DEAF1: variants seen among roughly 807,000 people sequenced by gnomAD.
DEAF1 encodes the protein DEAF1 transcription factor.
In DEAF1, 53 loss-of-function variants were observed where a neutral mutation model predicts 58.9. That is an observed-to-expected ratio of 0.90 (90% CI 0.72 to 1.13). DEAF1 has a LOEUF of 1.13. Among genes scored for constraint, DEAF1 ranks in the 50% most tolerant of loss-of-function variants. The pLI is 0.00. For synonymous variants in DEAF1, 385 were observed against 340.4 expected (o/e 1.13, Z -1.44); for missense variants, 685 against 791.4 (o/e 0.87, Z 1.61).
In DEAF1 at chr11:644,247, T is replaced by C; in HGVS notation, c.*303A>G. 1 of 481,188 alleles carries C rather than the reference T, an allele frequency of 2.1e-6. No individual in the cohort carries two copies. Among genetic ancestry groups the C allele is most frequent in the Non-Finnish European group, 3.8e-6 (1 of 260,254 alleles). The allele number at this position is 481,188 out of a possible 1,614,324, so 29.8% of individuals were successfully genotyped here. ...TGGGGCAGGGAGACCTTATTTACAC[T>C]TTATTGACAGACACAACACGTATGT... On this transcript the variant is annotated 3_prime_UTR_variant, in exon 12 of 12. Transcript: ENST00000382409. This position sits in a 1 kb window ranked among gnomAD's most constrained non-coding sequence, Gnocchi z 4.3.
At position 688,431 on chromosome 11, in the gene DEAF1, G is replaced by A. The variant is rs775897060; in HGVS notation, c.417C>T (p.Asp139=). ...GTGTCGCTTTTTCGGTGTTCAGGCT[G>A]TCCCCGATCTGAAGGGCCGTCCTAC... ...LSGRTALQIG[D]SLNTEKATLI... The change falls in exon 3 of 12, where the codon GAC becomes GAT. Residue 139 remains aspartate, a synonymous_variant. Transcript: ENST00000382409. The surrounding 1 kb of genome is among the most constrained non-coding windows in gnomAD (Gnocchi z 4.3). The A allele has an allele frequency of 6.2e-7, 1 of 1,613,902 alleles. No individual in the cohort carries two copies. Among genetic ancestry groups the A allele is most frequent in the East Asian group, 2.2e-5 (1 of 44,864 alleles).
intron 11 of DEAF1, among the ~76,000 whole-genome samples, chr11:647,645 G>A (rs1858561161): frequency 6.6e-6 from 1 of 152,234 alleles, no homozygotes; most frequent in African/African-American, 2.4e-5. Context: ...CAAAGAGAGA[G>A]GGGGACAAGC....
Position 678,701 on chromosome 11 carries a change from G to A in DEAF1, c.1248C>T (p.Pro416=). 1 of 1,614,086 alleles carries A rather than the reference G, an allele frequency of 6.2e-7. No homozygotes were observed. The highest frequency in any genetic ancestry group is 8.5e-7 in the Non-Finnish European group (1 of 1,179,980). ...GAATTCTTTCAAACCTACCTATTTT[G>A]GGATGTGACGTTGGCAACGCAGCTT... is the stretch of plus-strand genomic sequence containing the variant. The part of the protein sequence containing the change: ...FPEAALPTSH[P]KIVLTSLPAL... The change falls in exon 9 of 12, where the codon CCC becomes CCT. Residue 416 remains proline (P), a synonymous_variant. Coordinates refer to ENST00000382409, the MANE Select transcript of DEAF1 (RefSeq NM_021008.4).
At chr11:699,016 G>A, upstream of DEAF1, 2 of 1,107,520 alleles carry the variant, frequency 1.8e-6, no homozygotes, top group Non-Finnish European at 2.7e-6. Flanking sequence ...AGAGGGGGGT[G>A]TTCCTTGACA....
upstream of DEAF1, chr11:699,127 C>T (rs1303528247): frequency 3.9e-6 from 2 of 508,378 alleles, no homozygotes; most frequent in Non-Finnish European, 7.0e-6. Flanking sequence ...ACACTGCCGG[C>T]TCCCAAGGCG....
At chr11:652,951 G>A (rs1481887135) in intron 11 of DEAF1, among the ~76,000 whole-genome samples, 4 of 151,252 alleles carry the variant, frequency 2.6e-5, no homozygotes, top group Non-Finnish European at 5.9e-5. Context: ...AGGTATGGTG[G>A]CGCATGCCTG....
chr11:703,642 A>G, intron 1 of DEAF1: 8 of 1,232,890 alleles, frequency 6.5e-6, no homozygotes, highest in Non-Finnish European at 8.1e-6. Flanking sequence ...GAGACGCAGG[A>G]TGGGGTAGGC....
chr11:686,859 TG>T lies in DEAF1; in HGVS notation c.802del (p.Gln268ArgfsTer5). On this transcript the variant is annotated frameshift_variant and splice_region_variant, in exon 5 of 12. Transcript: ENST00000382409. LOFTEE classifies it high-confidence loss of function. ...YAGRPLQCLI[Q>X]DGILNPHAAS... ...CACAGGTGAGGTCACGGACGATACC[TG>T]GATGAGGCACTGCAAGGGTCGGCCC... is the stretch of plus-strand genomic sequence containing the variant. The T allele has an allele frequency of 6.2e-7, 1 of 1,614,168 alleles. No individual in the cohort carries two copies. The highest frequency in any genetic ancestry group is 8.5e-7 in the Non-Finnish European group (1 of 1,180,042).
rs550414781 is a variant in DEAF1, at chr11:679,293, G to C, written c.1126+395C>G. Among the ~76,000 whole-genome samples, 7 of 148,674 alleles carry C rather than the reference G, an allele frequency of 4.7e-5. No homozygotes were observed. The Admixed American group carries it at 4.8e-4, about 10-fold the overall frequency. On this transcript the variant is annotated intron_variant, in intron 8 of 11. Transcript: ENST00000382409. ...TCATGCCACTGCCCTCCAGCCTGGGGGATGGAGCGAGACTCCACCTCAAAA... is the reference window on the plus strand; with the variant it reads ...TCATGCCACTGCCCTCCAGCCTGGGCGATGGAGCGAGACTCCACCTCAAAA...
intron 10 of DEAF1, among the ~76,000 whole-genome samples, chr11:662,311 T>C (rs1859354294): frequency 6.6e-6 from 1 of 152,190 alleles, no homozygotes; most frequent in Admixed American, 6.5e-5. Context: ...ATGAGATTTT[T>C]AATGTGTGGC....
intron 9 of DEAF1, among the ~76,000 whole-genome samples, chr11:675,291 G>A (rs1860004079): frequency 6.6e-6 from 1 of 152,170 alleles, no homozygotes; most frequent in African/African-American, 2.4e-5. Flanking sequence ...GACTGAGGTG[G>A]GAGGATCACT....
chr11:694,655 G>T, intron 1 of DEAF1, 104 bp downstream of exon 1: 1 of 1,104,950 alleles, frequency 9.1e-7, no homozygotes, highest in Non-Finnish European at 1.2e-6. Flanking sequence ...CAGGTGTGAG[G>T]GACAGGTGTG....
At chr11:698,835 G>A (rs749438288), upstream of DEAF1, 1 of 1,614,068 alleles carries the variant, frequency 6.2e-7, no homozygotes, top group Non-Finnish European at 8.5e-7. Context: ...CCTGGTGGCT[G>A]TCAGGCCTTG....
chr11:699,998 T>A (rs1861370482), upstream of DEAF1: 7 of 635,104 alleles, frequency 1.1e-5, no homozygotes, highest in Non-Finnish European at 1.9e-5. Flanking sequence ...AAGCCTCAGA[T>A]AGGCAGTGAG....
At chr11:704,509 C>T (rs1268529863) in intron 1 of DEAF1, 2 of 1,289,076 alleles carry the variant, frequency 1.6e-6, no homozygotes, top group Non-Finnish European at 1.0e-6. Context: ...GCGCCTCGGG[C>T]CACCTCCCTC....
chr11:698,889 G>A (rs199713080), upstream of DEAF1: 410 of 1,613,986 alleles, frequency 2.5e-4, 1 homozygote, highest in Non-Finnish European at 3.3e-4. Context: ...CTCCACAGTG[G>A]TATCCTGCTG....
intron 11 of DEAF1, among the ~76,000 whole-genome samples, chr11:650,495 C>A (rs894278529): frequency 6.8e-6 from 1 of 147,394 alleles, no homozygotes; most frequent in East Asian, 2.0e-4. Flanking sequence ...TTAGAAGTAA[C>A]AAGATGTTTG....
intron 6 of DEAF1, among the ~76,000 whole-genome samples, chr11:683,664 T>C (rs1860466230): frequency 6.6e-6 from 1 of 152,232 alleles, no homozygotes. Flanking sequence ...CTAAAAAGAA[T>C]CCTGCTGGGA....
rs993898927 is a variant in DEAF1 at position 695,089 on chromosome 11, G to A, written c.-42C>T. ...CTTCCCGAAGGCGCCGTCCGGGACC[G>A]CCCGAAGCGCCGGTCGCGGAGCCCG... is the stretch of plus-strand genomic sequence containing the variant. On this transcript the variant is annotated 5_prime_UTR_variant, in exon 1 of 12. Coordinates refer to ENST00000382409, the MANE Select transcript of DEAF1 (RefSeq NM_021008.4). 2.8e-6 allele frequency: 4 copies of A among 1,405,418 alleles called. No individual in the cohort carries two copies. In the South Asian group the frequency reaches 5.5e-5, roughly 19 times the overall value. The allele number at this position is 1,405,418 out of a possible 1,614,324, so 87.1% of individuals were successfully genotyped here. A position where few individuals can be genotyped will look rare whatever the true frequency, so the allele number is the denominator to read the frequency against.
Sources: allele counts gnomAD v4.1 joint callset (sites outside exome capture counted in the v4.1 genomes callset), GRCh38; gene constraint gnomAD v4.1.1; non-coding constraint Gnocchi (gnomAD v3.1); transcripts MANE v1.5; gene names NCBI Gene and HGNC (gene_info 2026-07-23, HGNC 2026-07-21).